The following SMYD4 variants were observed in gnomAD, a reference collection of about 807,000 sequenced individuals.
SMYD4 encodes the protein protein-lysine N-methyltransferase SMYD4.
In SMYD4, 68 loss-of-function variants were observed where a neutral mutation model predicts 72.8. The observed-to-expected ratio is 0.93, with a 90% CI of 0.77 to 1.14. The LOEUF is 1.14. Ranked by LOEUF, SMYD4 falls within the 50% of genes most tolerant of loss-of-function variation. SMYD4 has a pLI of 0.00. For synonymous variants in SMYD4, 407 were observed against 388.6 expected (o/e 1.05, Z -0.56); for missense variants, 984 against 1,003.7 (o/e 0.98, Z 0.27).
intron 5 of SMYD4, among the ~76,000 whole-genome samples, chr17:1,792,548 G>A (rs1476614863): frequency 1.3e-5 from 2 of 152,118 alleles, no homozygotes; most frequent in Admixed American, 1.3e-4. Context: ...GCCTGAGGAG[G>A]GAGGATCAGT....
rs373581505 is a variant in SMYD4 at position 1,828,090 on chromosome 17, C to T, written c.-12-84G>A. 104 of 1,384,918 alleles carry T rather than the reference C, an allele frequency of 7.5e-5. No individual in the cohort carries two copies. The South Asian group carries it at 9.4e-4, about 13-fold the overall frequency. 85.8% of individuals were successfully genotyped at this position (1,384,918 alleles called of 1,614,324 possible). The stretch of plus-strand genomic sequence containing the variant: ...GTTCAGCCAGGTACGGTGGCTCACA[C>T]CTGTAATCCCAGCACTTTGGGAAGC... On this transcript the variant is annotated intron_variant, in intron 1 of 10. Transcript: ENST00000305513.
intron 4 of SMYD4, among the ~76,000 whole-genome samples, chr17:1,801,628 A>G (rs1909762172): frequency 6.9e-6 from 1 of 145,824 alleles, no homozygotes; most frequent in South Asian, 2.1e-4. Context: ...AGGCTTTGAA[A>G]AAAAAAAAAA....
At chr17:1,815,269 G>A (rs1910529421) in intron 2 of SMYD4, among the ~76,000 whole-genome samples, 2 of 152,010 alleles carry the variant, frequency 1.3e-5, no homozygotes, top group Non-Finnish European at 2.9e-5. Flanking sequence ...TCACCATGTT[G>A]ATCAGGCAGG....
At chr17:1,786,758 G>A in intron 7 of SMYD4, 52 bp downstream of exon 7, 3 of 1,610,062 alleles carry the variant, frequency 1.9e-6, no homozygotes, top group Non-Finnish European at 2.5e-6. Context: ...ATCACCCTTG[G>A]GGTGGAAAAC....
chr17:1,795,747 G>GTTTTTTA (rs1555575987), intron 5 of SMYD4, among the ~76,000 whole-genome samples: 1 of 128,466 alleles, frequency 7.8e-6, no homozygotes, highest in Non-Finnish European at 1.6e-5. Flanking sequence ...TGGCCCGTGA[G>GTTTTTTA]TTTTTTTTTT....
At chr17:1,797,879 G>C (rs1012023244) in intron 5 of SMYD4, among the ~76,000 whole-genome samples, 1 of 152,098 alleles carries the variant, frequency 6.6e-6, no homozygotes, top group Non-Finnish European at 1.5e-5. Flanking sequence ...GTGCACGCCT[G>C]TAATCCCAGT....
intron 2 of SMYD4, 87 bp downstream of exon 2, chr17:1,827,774 A>G: frequency 6.8e-7 from 1 of 1,470,934 alleles, no homozygotes; most frequent in East Asian, 2.4e-5. Context: ...ATCTTTATTT[A>G]AGAAAAAGAC....
intron 7 of SMYD4, among the ~76,000 whole-genome samples, chr17:1,784,960 T>A (rs113456638): frequency 0.011 from 1,661 of 150,776 alleles, 16 homozygotes; most frequent in South Asian, 0.022. Context: ...TTATTTATTT[T>A]TTTTTTTTAG....
chr17:1,796,097 T>C (rs566195948), intron 5 of SMYD4, among the ~76,000 whole-genome samples: 1 of 152,216 alleles, frequency 6.6e-6, no homozygotes, highest in Non-Finnish European at 1.5e-5. Context: ...ATGTATCTAT[T>C]CTTCCAGTTT....
chr17:1,790,923 G>A (rs1460523171), intron 5 of SMYD4, among the ~76,000 whole-genome samples: 2 of 150,850 alleles, frequency 1.3e-5, no homozygotes, highest in Admixed American at 6.6e-5. Context: ...TCAGGAGATC[G>A]AGACCTTCCT....
intron 2 of SMYD4, among the ~76,000 whole-genome samples, chr17:1,820,458 T>C (rs1444412540): frequency 6.6e-6 from 1 of 152,192 alleles, no homozygotes; most frequent in African/African-American, 2.4e-5. Flanking sequence ...CAGGCTGGTC[T>C]CAAACTCCTG....
At chr17:1,813,162 C>A (rs1462369093) in intron 2 of SMYD4, among the ~76,000 whole-genome samples, 1 of 152,188 alleles carries the variant, frequency 6.6e-6, no homozygotes, top group African/African-American at 2.4e-5. Flanking sequence ...TTGTCTTGAA[C>A]TCCTGACCTC....
intron 3 of SMYD4, among the ~76,000 whole-genome samples, chr17:1,810,172 A>T (rs1910254919): frequency 1.3e-5 from 2 of 152,196 alleles, no homozygotes; most frequent in South Asian, 4.1e-4. Context: ...TAGTTCAACA[A>T]GGGCTGACAG....
intron 2 of SMYD4, among the ~76,000 whole-genome samples, chr17:1,820,889 T>C (rs946538563): frequency 2.0e-5 from 3 of 152,220 alleles, no homozygotes; most frequent in Non-Finnish European, 2.9e-5. Flanking sequence ...CTAACAGGCA[T>C]GCATGTGGAG....
chr17:1,811,133 G>A (rs1437861405), intron 3 of SMYD4, among the ~76,000 whole-genome samples: 1 of 152,192 alleles, frequency 6.6e-6, no homozygotes, highest in Non-Finnish European at 1.5e-5. Flanking sequence ...TGTAACACAC[G>A]CCCACTGGGG....
In SMYD4 at chr17:1,812,053, T is replaced by C. The variant is rs1343819190; in HGVS notation, c.197A>G (p.Asp66Gly). Residue 66 changes from aspartate (D) to glycine (G), a missense_variant, in exon 3 of 11, where the codon GAC becomes GGC. By Grantham distance (94) the Asp-to-Gly change is moderately conservative. Coordinates refer to ENST00000305513, the MANE Select transcript of SMYD4 (RefSeq NM_052928.3). The part of the protein sequence containing the change: ...SKGYLVGKDS[D>G]APLFYREEGN... ...TTCTTCTCTGTAGAAAAGAGGAGCG[T>C]CCGAGTCCTTTCCCACCAAGTAACC... The C allele has an allele frequency of 2.5e-6, 4 of 1,614,118 alleles. No individual in the cohort carries two copies. The South Asian group carries it at 3.3e-5, about 13-fold the overall frequency.
intron 5 of SMYD4, among the ~76,000 whole-genome samples, chr17:1,798,999 C>T (rs930555133): frequency 1.2e-4 from 19 of 152,024 alleles, no homozygotes; most frequent in African/African-American, 2.9e-4. Context: ...CAGCCAGGCA[C>T]GGTGGCTCAT....
At chr17:1,808,213 G>A (rs955295005) in intron 3 of SMYD4, among the ~76,000 whole-genome samples, 8 of 152,118 alleles carry the variant, frequency 5.3e-5, no homozygotes, top group Admixed American at 3.9e-4. Context: ...TTATGATCCC[G>A]AACAATTTGC....
At chr17:1,784,019 A>G (rs929940443) in intron 8 of SMYD4, among the ~76,000 whole-genome samples, 6 of 152,234 alleles carry the variant, frequency 3.9e-5, no homozygotes, top group Admixed American at 2.6e-4. Context: ...AATGACACTC[A>G]ACTTCTGGAA....
Sources: gnomAD v4.1 joint callset for allele counts (sites outside exome capture counted in the v4.1 genomes callset) on GRCh38, gnomAD v4.1.1 for gene constraint, MANE v1.5 for transcripts, NCBI Gene and HGNC (gene_info 2026-07-23, HGNC 2026-07-21) for gene names.